The following CAPN9 variants were observed in gnomAD, a reference collection of about 807,000 sequenced individuals.
CAPN9 encodes the protein calpain 9.
A neutral mutation model predicts 92.8 loss-of-function variants in CAPN9; 81 were observed. That is an observed-to-expected ratio of 0.87 (90% CI 0.73 to 1.05). The LOEUF is 1.05. Among genes scored for constraint, CAPN9 ranks in the 50% least tolerant of loss-of-function variants. The probability of loss-of-function intolerance (pLI) is 0.00; values close to 1 mark genes in which losing one functional copy is unlikely to be tolerated. For missense variants in CAPN9, 848 were observed against 866.2 expected (o/e 0.98, Z 0.26); for synonymous variants, 304 against 328.0 (o/e 0.93, Z 0.79).
At chr1:230,797,335 C>T (rs1668421633) in intron 18 of CAPN9, among the ~76,000 whole-genome samples, 1 of 152,214 alleles carries the variant, frequency 6.6e-6, no homozygotes, top group African/African-American at 2.4e-5. Flanking sequence ...AGCTGATAGA[C>T]TTGTTTTTAG....
At chr1:230,791,627 T>C (rs527360475) in intron 14 of CAPN9, among the ~76,000 whole-genome samples, 1 of 152,318 alleles carries the variant, frequency 6.6e-6, no homozygotes, top group East Asian at 1.9e-4. Flanking sequence ...TCGGGGTTCT[T>C]AGAACTAGAA....
chr1:230,799,892 A>G (rs1033210912), intron 19 of CAPN9, among the ~76,000 whole-genome samples: 2 of 150,994 alleles, frequency 1.3e-5, no homozygotes, highest in African/African-American at 4.9e-5. Context: ...TGATAGCAAG[A>G]CCCTGTCTCT....
chr1:230,792,001 A>G, intron 15 of CAPN9, 73 bp downstream of exon 15: 1 of 1,038,598 alleles, frequency 9.6e-7, no homozygotes, highest in South Asian at 1.3e-5. Context: ...AATCTTCAAT[A>G]GTGCAGACTC....
chr1:230,799,275 T>C (rs1668534766), intron 19 of CAPN9, among the ~76,000 whole-genome samples: 1 of 152,222 alleles, frequency 6.6e-6, no homozygotes, highest in African/African-American at 2.4e-5. Flanking sequence ...CTCCCCTCTT[T>C]TGTGCTCTGA....
At chr1:230,777,373 C>T (rs28359676) in intron 8 of CAPN9, among the ~76,000 whole-genome samples, 26 of 152,192 alleles carry the variant, frequency 1.7e-4, no homozygotes, top group African/African-American at 6.0e-4. Flanking sequence ...GCACTCTGTG[C>T]GTGGAGCCCT....
intron 1 of CAPN9, chr1:230,752,807 C>A: frequency 1.7e-6 from 1 of 598,230 alleles, no homozygotes; most frequent in Non-Finnish European, 2.1e-6. Flanking sequence ...GCTTGGGGGA[C>A]TCCTGGGTTT....
At chr1:230,786,378 T>C (rs969921047) in intron 12 of CAPN9, among the ~76,000 whole-genome samples, 2 of 152,236 alleles carry the variant, frequency 1.3e-5, no homozygotes, top group Non-Finnish European at 2.9e-5. Flanking sequence ...TAGTAAACTA[T>C]GCACCTATTT....
At chr1:230,784,263 G>C (rs1438595701) in intron 11 of CAPN9, among the ~76,000 whole-genome samples, 1 of 152,234 alleles carries the variant, frequency 6.6e-6, no homozygotes, top group Non-Finnish European at 1.5e-5. Context: ...TTTTTCGAGA[G>C]AGGAATTCAA....
chr1:230,791,236 A>T (rs1042725981), intron 14 of CAPN9, among the ~76,000 whole-genome samples: 3 of 152,200 alleles, frequency 2.0e-5, no homozygotes, highest in Non-Finnish European at 1.5e-5. Flanking sequence ...TCTCCTGGGT[A>T]TATAGTTATG....
At chr1:230,789,992 A>G (rs1667870071) in intron 13 of CAPN9, 140 bp from the exon 14 acceptor site, 2 of 618,216 alleles carry the variant, frequency 3.2e-6, no homozygotes, top group Admixed American at 2.8e-5. Context: ...CACAGGAGAT[A>G]GGTACATCTG....
At chr1:230,757,496 T>C (rs1459402731) in intron 2 of CAPN9, among the ~76,000 whole-genome samples, 1 of 152,082 alleles carries the variant, frequency 6.6e-6, no homozygotes, top group Non-Finnish European at 1.5e-5. Context: ...TTGTAACACT[T>C]TTACTACACC....
At chr1:230,773,197 G>T (rs1163598629) in intron 7 of CAPN9, among the ~76,000 whole-genome samples, 1 of 152,174 alleles carries the variant, frequency 6.6e-6, no homozygotes, top group African/African-American at 2.4e-5. Context: ...TTTCCAGGCT[G>T]TCATTGTCCC....
At chr1:230,777,157 G>A (rs1286283977) in intron 8 of CAPN9, among the ~76,000 whole-genome samples, 1 of 152,206 alleles carries the variant, frequency 6.6e-6, no homozygotes, top group African/African-American at 2.4e-5. Context: ...ACCAGAGTTT[G>A]AGAGGCTACC....
At chr1:230,785,959 G>A in intron 11 of CAPN9, 22 bp from the exon 12 acceptor site, 1 of 1,612,386 alleles carries the variant, frequency 6.2e-7, no homozygotes, top group Non-Finnish European at 8.5e-7. Flanking sequence ...AATTGAGGCA[G>A]TGTGTTTTTC....
At chr1:230,769,781 C>T (rs1388922309) in intron 6 of CAPN9, among the ~76,000 whole-genome samples, 1 of 152,042 alleles carries the variant, frequency 6.6e-6, no homozygotes. Context: ...AACTCCTCCT[C>T]CTCCTTCTCA....
At chr1:230,757,190 G>T (rs1281039827) in intron 2 of CAPN9, among the ~76,000 whole-genome samples, 1 of 152,038 alleles carries the variant, frequency 6.6e-6, no homozygotes, top group African/African-American at 2.4e-5. Flanking sequence ...ATACACAGGG[G>T]TCCTGGAACC....
At position 230,780,640 on chromosome 1, in the gene CAPN9, C is replaced by T. The variant is rs750244917; in HGVS notation, c.1413C>T (p.Ser471=). The change falls in exon 11 of 20, where the codon AGC becomes AGT. Residue 471 remains serine, a synonymous_variant. Coordinates refer to ENST00000271971, the MANE Select transcript of CAPN9 (RefSeq NM_006615.3). ...CTGGGGAGTACATCCTGATTCCCAG[C>T]ACTTTTGAGCCCCACCAGGAAGCTG... ...LPPGEYILIP[S]TFEPHQEADF... 2 of 1,614,004 alleles carry T rather than the reference C, an allele frequency of 1.2e-6. No individual in the cohort carries two copies. The highest frequency in any genetic ancestry group is 1.7e-5 in the Admixed American group (1 of 60,000).
chr1:230,748,085 T>A (rs1444329445), intron 1 of CAPN9, among the ~76,000 whole-genome samples: 2 of 152,138 alleles, frequency 1.3e-5, no homozygotes, highest in East Asian at 3.8e-4. Flanking sequence ...TTATGCACAG[T>A]GTTCTGTGGC....
intron 5 of CAPN9, 93 bp downstream of exon 5, chr1:230,767,802 C>A: frequency 8.2e-7 from 1 of 1,220,754 alleles, no homozygotes; most frequent in Non-Finnish European, 1.1e-6. Context: ...GGTACCCCAG[C>A]CACACCCAAG....
Sources: allele counts gnomAD v4.1 joint callset (sites outside exome capture counted in the v4.1 genomes callset), GRCh38; gene constraint gnomAD v4.1.1; transcripts MANE v1.5; gene names NCBI Gene and HGNC (gene_info 2026-07-23, HGNC 2026-07-21).